CP: variants seen among roughly 807,000 people sequenced by gnomAD.
The protein encoded by CP is caeruloplasmin.
A neutral mutation model predicts 122.4 loss-of-function variants in CP; 64 were observed. The observed-to-expected ratio is 0.52, with a 90% confidence interval of 0.43 to 0.64. CP has a LOEUF of 0.64. Among genes scored for constraint, CP ranks in the 30% least tolerant of loss-of-function variants. CP has a pLI of 0.00. For missense variants in CP, 1,167 were observed against 1,284.4 expected (o/e 0.91, Z 1.40); for synonymous variants, 440 against 436.4 (o/e 1.01, Z -0.10).
rs1286189224 is a variant in CP, at chr3:149,178,509, A to G, written c.2784T>C (p.Ser928=). 6.2e-7 allele frequency: 1 copy of G among 1,613,060 alleles called. No individual in the cohort carries two copies. Among genetic ancestry groups the G allele is most frequent in the Non-Finnish European group, 8.5e-7 (1 of 1,179,192 alleles). Residue 928 remains serine, a synonymous_variant, in exon 16 of 19, where the codon TCT becomes TCC. Transcript: ENST00000264613. ...LLFLVFDENE[S]WYLDDNIKTY... ...TTTTGATGTTGTCATCTAAGTACCA[A>G]GATTCATTCTCATCAAAAACTAGAA...
intron 1 of CP, among the ~76,000 whole-genome samples, chr3:149,215,105 C>G (rs1214397914): frequency 2.6e-5 from 4 of 152,172 alleles, no homozygotes; most frequent in Non-Finnish European, 5.9e-5. Context: ...TTACCATGTC[C>G]TATTGGTACA....
intron 5 of CP, chr3:149,164,091 G>C (rs920973458): frequency 6.8e-6 from 4 of 588,032 alleles, no homozygotes; most frequent in Non-Finnish European, 1.2e-5. Flanking sequence ...ATACTCAGGA[G>C]ACTTGGAGGG....
intron 5 of CP, chr3:149,163,932 G>T (rs746506828): frequency 1.3e-5 from 20 of 1,519,624 alleles, no homozygotes; most frequent in African/African-American, 2.7e-5. Flanking sequence ...TTATACAGAA[G>T]ATCTTTCAAA....
In CP at chr3:149,221,674, C is replaced by T. The variant is rs748730192; in HGVS notation, c.119G>A (p.Gly40Glu). ...ETTWDYASDH[G>E]EKKLISVDTE... The stretch of plus-strand genomic sequence containing the variant: ...GTCAACAGAAATAAGTTTCTTTTCC[C>T]CATGGTCAGAGGCATAATCCCAAGT... Residue 40 changes from glycine to glutamate, a missense_variant, in exon 1 of 19, where the codon GGG (glycine) becomes GAG (glutamate). Gly to Glu is a moderately conservative substitution (Grantham distance 98). This residue lies in a region of CP where 642 missense variants were observed against 627.3 expected (regional missense o/e 1.02). Transcript: ENST00000264613. 14 of 1,612,174 alleles carry T rather than the reference C, an allele frequency of 8.7e-6. No homozygotes were observed. In the South Asian group the frequency reaches 1.6e-4, roughly 18 times the overall value.
intron 14 of CP, among the ~76,000 whole-genome samples, chr3:149,181,127 G>T (rs1441424022): frequency 1.3e-5 from 2 of 152,054 alleles, no homozygotes; most frequent in East Asian, 3.9e-4. Context: ...CCCCTTAAAA[G>T]GTGTCCATCA....
At chr3:149,177,099 A>G (rs1725468466) in intron 17 of CP, among the ~76,000 whole-genome samples, 1 of 152,184 alleles carries the variant, frequency 6.6e-6, no homozygotes, top group African/African-American at 2.4e-5. Flanking sequence ...GTACTGAGAA[A>G]GAATAGAAGT....
chr3:149,214,747 T>A (rs1440461750), intron 1 of CP, among the ~76,000 whole-genome samples: 2 of 152,248 alleles, frequency 1.3e-5, no homozygotes, highest in Admixed American at 6.5e-5. Context: ...GGGTGAACTC[T>A]GTCCCTAAAC....
Position 149,178,599 on chromosome 3 carries a change from A to C in CP, c.2694T>G (p.Ile898Met), listed in dbSNP as rs938389754. The C allele has an allele frequency of 2.5e-6, 4 of 1,613,222 alleles. No individual in the cohort carries two copies. In the African/African-American group the frequency reaches 5.3e-5, roughly 22 times the overall value. Residue 898 changes from isoleucine to methionine, a missense_variant, in exon 16 of 19, where the codon ATT becomes ATG. Transcript: ENST00000264613. ...DLYSGLIGPL[I>M]VCRRPYLKVF... Reference sequence around the variant, plus strand: ...CTTTCAAGTAAGGTCTTCGACAAACAATCAGGGGGCCAATTAATCCACTGT... The same window carrying C: ...CTTTCAAGTAAGGTCTTCGACAAACCATCAGGGGGCCAATTAATCCACTGT...
intron 1 of CP, among the ~76,000 whole-genome samples, chr3:149,218,312 T>C (rs1461470310): frequency 6.6e-6 from 1 of 152,196 alleles, no homozygotes; most frequent in African/African-American, 2.4e-5. Flanking sequence ...AATTTGAATA[T>C]ATATAACTTA....
At chr3:149,182,242 A>C in intron 13 of CP, 109 bp from the exon 14 acceptor site, 2 of 1,217,786 alleles carry the variant, frequency 1.6e-6, no homozygotes, top group East Asian at 4.8e-5. Context: ...TTGTGGTATA[A>C]TACTCTTGGA....
At chr3:149,218,650 C>A (rs1276715230) in intron 1 of CP, among the ~76,000 whole-genome samples, 1 of 152,118 alleles carries the variant, frequency 6.6e-6, no homozygotes, top group African/African-American at 2.4e-5. Context: ...ACATGAGGAG[C>A]AAGGAAAAGT....
chr3:149,168,207 A>G (rs184831798), downstream of CP: 22 of 502,086 alleles, frequency 4.4e-5, no homozygotes, highest in African/African-American at 3.5e-4. Context: ...CCTTTCAAAC[A>G]CTTAACAAAT....
chr3:149,216,536 A>G (rs929655575), intron 1 of CP, among the ~76,000 whole-genome samples: 2 of 152,188 alleles, frequency 1.3e-5, no homozygotes, highest in Non-Finnish European at 2.9e-5. Flanking sequence ...CATCCTGTTC[A>G]CAGGTTCTGG....
intron 9 of CP, among the ~76,000 whole-genome samples, chr3:149,198,044 T>C (rs1306108208): frequency 1.3e-5 from 2 of 152,006 alleles, no homozygotes; most frequent in African/African-American, 2.4e-5. Context: ...AACAGAAAAA[T>C]TGCAAGTAAA....
At chr3:149,213,941 A>C (rs1728283251) in intron 1 of CP, among the ~76,000 whole-genome samples, 1 of 152,222 alleles carries the variant, frequency 6.6e-6, no homozygotes, top group Non-Finnish European at 1.5e-5. Context: ...TATGCACAGG[A>C]ATCTACTGAT....
At chr3:149,206,842 A>G (rs1324641617) in intron 5 of CP, among the ~76,000 whole-genome samples, 7 of 152,208 alleles carry the variant, frequency 4.6e-5, no homozygotes, top group Non-Finnish European at 8.8e-5. Context: ...ACGTCAAAGT[A>G]AAATATCTGA....
rs777118205 is a variant in CP at position 149,201,677 on chromosome 3, G to A, written c.1348+425C>T. Among the ~76,000 whole-genome samples the A allele has an allele frequency of 2.6e-5, 4 of 152,028 alleles. No homozygotes were observed. In the East Asian group the frequency reaches 5.8e-4, roughly 22 times the overall value. On this transcript the variant is annotated intron_variant, in intron 7 of 18. Transcript: ENST00000264613. ...ACGATCTTGACTCACTGCAACCTCC[G>A]CCTCCCGGGTTCAAGCGATTCTCAT...
intron 6 of CP, among the ~76,000 whole-genome samples, chr3:149,203,539 C>T (rs1727493498): frequency 6.6e-6 from 1 of 152,240 alleles, no homozygotes. Flanking sequence ...GCTGGGATTA[C>T]AGGCATGAGC....
At chr3:149,190,223 A>G (rs1258935377) in intron 9 of CP, among the ~76,000 whole-genome samples, 1 of 152,208 alleles carries the variant, frequency 6.6e-6, no homozygotes, top group Non-Finnish European at 1.5e-5. Context: ...AAAAAATACC[A>G]CATTAGAAAT....
Sources: gnomAD v4.1 joint callset for allele counts (sites outside exome capture counted in the v4.1 genomes callset) on GRCh38, gnomAD v4.1.1 for gene constraint, gnomAD v4.1.1 regional missense constraint, MANE v1.5 for transcripts, NCBI Gene and HGNC (gene_info 2026-07-23, HGNC 2026-07-21) for gene names.